The following CUL1 variants were observed in gnomAD, a reference collection of about 807,000 sequenced individuals.
CUL1 encodes cullin 1, also known as cullin-1.
In CUL1, 24 loss-of-function variants were observed where a neutral mutation model predicts 118.0. The ratio of observed to expected loss-of-function variants is 0.20; its 90% CI spans 0.15 to 0.29. The LOEUF (loss-of-function observed/expected upper bound fraction) is 0.29, where lower values mean the gene tolerates loss of function less well. Ranked by LOEUF, CUL1 falls within the 10% of genes least tolerant of loss-of-function variation. The probability of loss-of-function intolerance (pLI) is 1.00; values close to 1 mark genes in which losing one functional copy is unlikely to be tolerated. For synonymous variants in CUL1, 332 were observed against 340.4 expected (o/e 0.98, Z 0.27); for missense variants, 361 against 933.8 (o/e 0.39, Z 7.99).
At chr7:148,743,305 G>A (rs1374026538) in intron 2 of CUL1, among the ~76,000 whole-genome samples, 3 of 152,168 alleles carry the variant, frequency 2.0e-5, no homozygotes, top group Non-Finnish European at 2.9e-5. Context: ...AGATGATTGT[G>A]CCCATCTCTC....
In CUL1 at chr7:148,730,281, C is replaced by G; in HGVS notation, c.140+19C>G. 6.3e-7 allele frequency: 1 copy of G among 1,590,692 alleles called. No homozygotes were observed. Among genetic ancestry groups the G allele is most frequent in the Non-Finnish European group, 8.6e-7 (1 of 1,168,798 alleles). On this transcript the variant is annotated intron_variant, in intron 2 of 21. Coordinates refer to ENST00000325222, the MANE Select transcript of CUL1 (RefSeq NM_003592.3). ...TCTACACGTATCCTCCTGCCTAGCG[C>G]AGGTTGATTGCTTAGAGTTTTGATT... is the stretch of plus-strand genomic sequence containing the variant.
intron 7 of CUL1, among the ~76,000 whole-genome samples, chr7:148,764,119 T>C (rs1057396959): frequency 6.6e-6 from 1 of 152,190 alleles, no homozygotes; most frequent in Non-Finnish European, 1.5e-5. Context: ...TTTAAAAATA[T>C]ACCATACTTC....
intron 2 of CUL1, among the ~76,000 whole-genome samples, chr7:148,746,138 T>TG (rs1405838770): frequency 6.6e-6 from 1 of 150,486 alleles, no homozygotes; most frequent in African/African-American, 2.5e-5. Flanking sequence ...GAGGAAGTAA[T>TG]GGTGGGGAGG....
intron 1 of CUL1, among the ~76,000 whole-genome samples, chr7:148,726,538 G>C (rs1798589769): frequency 6.6e-6 from 1 of 152,114 alleles, no homozygotes; most frequent in Non-Finnish European, 1.5e-5. Context: ...GGCAGTTGTT[G>C]GTGGTTTTTT....
intron 16 of CUL1, 53 bp downstream of exon 16, chr7:148,790,494 A>G: frequency 6.8e-7 from 1 of 1,465,646 alleles, no homozygotes; most frequent in Non-Finnish European, 9.4e-7. Context: ...AACATAAGGC[A>G]AATTATGGAA....
intron 7 of CUL1, among the ~76,000 whole-genome samples, chr7:148,764,890 C>T (rs1799954482): frequency 6.6e-6 from 1 of 152,154 alleles, no homozygotes; most frequent in South Asian, 2.1e-4. Flanking sequence ...TTTTTCGTAA[C>T]TTGTTCACTA....
intron 9 of CUL1, among the ~76,000 whole-genome samples, chr7:148,771,584 A>G (rs1297405520): frequency 6.6e-6 from 1 of 152,182 alleles, no homozygotes; most frequent in African/African-American, 2.4e-5. Context: ...CGTTCTCTCC[A>G]GCCTTCAGAG....
intron 1 of CUL1, among the ~76,000 whole-genome samples, chr7:148,720,678 A>G (rs1348362597): frequency 3.3e-5 from 5 of 152,208 alleles, no homozygotes; most frequent in African/African-American, 4.8e-5. Flanking sequence ...TCAGGAAGAA[A>G]GGCAGGGAGA....
Position 148,790,351 on chromosome 7 carries a change from C to G in CUL1, c.1716C>G (p.Ser572Arg). 1 of 1,614,124 alleles carries G rather than the reference C, an allele frequency of 6.2e-7. No homozygotes were observed. Among genetic ancestry groups the G allele is most frequent in the Non-Finnish European group, 8.5e-7 (1 of 1,180,000 alleles). Residue 572 changes from serine (S) to arginine (R), a missense_variant, in exon 16 of 22, where the codon AGC becomes AGG. This residue lies in a region of CUL1 where 84 missense variants were observed against 203.3 expected (regional missense o/e 0.41). Transcript: ENST00000325222. ...AGCGATTCACAGCTTTCTACGCCAG[C>G]CGCCACAGTGGCCGAAAATTGACGT... ...SYQRFTAFYA[S>R]RHSGRKLTWL...
rs1800736245 is a variant in CUL1, at chr7:148,783,903, G to C, written c.1191+13G>C. ...TGCTCTTGATAAGGTAGGTGCGTGAGGGTTGTGACTTGCCTGTAGTATGTA... is the reference window on the plus strand; with the variant it reads ...TGCTCTTGATAAGGTAGGTGCGTGACGGTTGTGACTTGCCTGTAGTATGTA... On this transcript the variant is annotated intron_variant, in intron 10 of 21. Transcript: ENST00000325222. 1 of 1,613,880 alleles carries C rather than the reference G, an allele frequency of 6.2e-7. No individual in the cohort carries two copies. Among genetic ancestry groups the C allele is most frequent in the Non-Finnish European group, 8.5e-7 (1 of 1,179,790 alleles).
At chr7:148,723,662 CAAAA>C (rs3059215) in intron 1 of CUL1, among the ~76,000 whole-genome samples, 1 of 142,088 alleles carries the variant, frequency 7.0e-6, no homozygotes, top group African/African-American at 2.5e-5. Context: ...TATGACTCAC[CAAAA>C]AAAAAAAAGA....
chr7:148,737,100 T>C (rs774458286), intron 2 of CUL1, among the ~76,000 whole-genome samples: 1 of 152,244 alleles, frequency 6.6e-6, no homozygotes, highest in Non-Finnish European at 1.5e-5. Context: ...CCTGGTACTA[T>C]TAAAATCATT....
intron 9 of CUL1, among the ~76,000 whole-genome samples, chr7:148,770,557 G>C (rs1026734446): frequency 2.6e-5 from 4 of 152,162 alleles, no homozygotes; most frequent in African/African-American, 9.7e-5. Context: ...CTAAAATGCA[G>C]TTTTATTCTT....
At chr7:148,772,688 G>A (rs981549349) in intron 9 of CUL1, among the ~76,000 whole-genome samples, 1 of 152,192 alleles carries the variant, frequency 6.6e-6, no homozygotes, top group Non-Finnish European at 1.5e-5. Context: ...GCCTAGTTTA[G>A]TGCCTACATT....
At position 148,715,474 on chromosome 7, in the gene CUL1, G is replaced by A. The variant is rs1423051503; in HGVS notation, c.-161-14488G>A. ...CAACCTTAACACTGTCGAACTAAAA[G>A]TTTCATGGATGAGCCTCCTTTGGCT... is the stretch of plus-strand genomic sequence containing the variant. On this transcript the variant is annotated intron_variant, in intron 1 of 21. Coordinates refer to ENST00000325222, the MANE Select transcript of CUL1 (RefSeq NM_003592.3). Among the ~76,000 whole-genome samples the A allele has an allele frequency of 2.0e-5, 3 of 152,262 alleles. No individual in the cohort carries two copies. The East Asian group carries it at 5.8e-4, about 29-fold the overall frequency.
At chr7:148,767,875 G>A in intron 9 of CUL1, 126 bp downstream of exon 9, 2 of 975,302 alleles carry the variant, frequency 2.1e-6, no homozygotes, top group Non-Finnish European at 3.0e-6. Flanking sequence ...TGAGAACCAT[G>A]TTTTGTCTTT....
chr7:148,760,445 A>C lies in CUL1; in HGVS notation c.738A>C (p.Arg246Ser). ...CTGACACAGAGAGATTTTATACCAG[A>C]GAGAGTACTGAATTCTTGCAGCAGA... Reference protein sequence around the residue: ...FLADTERFYTRESTEFLQQNP... With the variant: ...FLADTERFYTSESTEFLQQNP... The change falls in exon 7 of 22, where the codon AGA becomes AGC. Residue 246 changes from arginine to serine, a missense_variant. Physicochemically the swap from Arg to Ser is moderately radical, Grantham distance 110. This residue lies in a region of CUL1 where 169 missense variants were observed against 429.7 expected (regional missense o/e 0.39). Transcript: ENST00000325222. The C allele has an allele frequency of 6.2e-7, 1 of 1,613,316 alleles. No individual in the cohort carries two copies. The highest frequency in any genetic ancestry group is 8.5e-7 in the Non-Finnish European group (1 of 1,179,634).
intron 7 of CUL1, among the ~76,000 whole-genome samples, chr7:148,765,068 C>T (rs886107429): frequency 6.6e-6 from 1 of 152,182 alleles, no homozygotes; most frequent in Non-Finnish European, 1.5e-5. Context: ...GTTGTACTCA[C>T]TGCTTTGCTG....
At chr7:148,783,249 C>G (rs1409494540) in intron 9 of CUL1, 1 of 842,754 alleles carries the variant, frequency 1.2e-6, no homozygotes, top group Non-Finnish European at 1.4e-6. Flanking sequence ...CGCTCCGCCC[C>G]TCTTCCCGTC....
Sources: allele counts gnomAD v4.1 joint callset (sites outside exome capture counted in the v4.1 genomes callset), GRCh38; gene constraint gnomAD v4.1.1; regional missense constraint gnomAD v4.1.1; transcripts MANE v1.5; gene names NCBI Gene and HGNC (gene_info 2026-07-23, HGNC 2026-07-21).